Variants in NOL11 observed in about 807,000 individuals in gnomAD.
NOL11 encodes the protein nucleolar protein 11.
In NOL11, 42 loss-of-function variants were observed where a neutral mutation model predicts 93.0. That is an observed-to-expected ratio of 0.45 (90% CI 0.35 to 0.58). The LOEUF (loss-of-function observed/expected upper bound fraction) is 0.58. Among genes scored for constraint, NOL11 ranks in the 20% least tolerant of loss-of-function variants. The probability of loss-of-function intolerance (pLI) is 0.00; values close to 1 mark genes in which losing one functional copy is unlikely to be tolerated. For synonymous variants in NOL11, 296 were observed against 293.7 expected, an observed-to-expected ratio of 1.01 and a Z score of -0.08; for missense variants, 775 against 841.8, an observed-to-expected ratio of 0.92 and a Z score of 0.98.
chr17:67,743,716 A>G (rs757229029), intron 17 of NOL11, 27 bp from the exon 18 acceptor site: 2 of 1,345,556 alleles, frequency 1.5e-6, no homozygotes, highest in Non-Finnish European at 2.0e-6. Flanking sequence ...ATTATGGTAA[A>G]AGTTACTCTG....
At chr17:67,722,864 AT>A (rs1204142561) in intron 5 of NOL11, among the ~76,000 whole-genome samples, 1 of 151,594 alleles carries the variant, frequency 6.6e-6, no homozygotes, top group Non-Finnish European at 1.5e-5. Flanking sequence ...CTTATGTTTT[AT>A]TTTTTGTAGA....
intron 7 of NOL11, among the ~76,000 whole-genome samples, chr17:67,727,257 T>C (rs2055104673): frequency 6.6e-6 from 1 of 152,172 alleles, no homozygotes; most frequent in Non-Finnish European, 1.5e-5. Context: ...TTTCCAACCT[T>C]TTCTCCCAAA....
At position 67,721,448 on chromosome 17, in the gene NOL11, C is replaced by G. The variant is rs1404404798; in HGVS notation, c.383C>G (p.Ala128Gly). Residue 128 changes from alanine to glycine, a missense_variant, in exon 4 of 18, where the codon GCT (alanine) becomes GGT (glycine). This residue lies in a region of NOL11 where 359 missense variants were observed against 316.5 expected (regional missense o/e 1.13). Coordinates refer to ENST00000253247, the MANE Select transcript of NOL11 (RefSeq NM_015462.5). ...CCCTTGGTGCTCTTCAAGGAAGGTG[C>G]TGTTCGTGGTTTAGAGGCCTTGCTT... is the stretch of plus-strand genomic sequence containing the variant. ...TEPLVLFKEG[A>G]VRGLEALLAD... 1 of 1,613,438 alleles carries G rather than the reference C, an allele frequency of 6.2e-7. No individual in the cohort carries two copies. The highest frequency in any genetic ancestry group is 1.7e-5 in the Admixed American group (1 of 59,980).
At position 67,738,990 on chromosome 17, in the gene NOL11, A is replaced by G. The variant is rs1364232028; in HGVS notation, c.1822A>G (p.Ile608Val). ...ATTTCTTCTGCCTCATTTGAAAGAC[A>G]TCCCAGCACAGCATATCACGGTAAG... ...ETFLLPHLKDIPAQHITLFLK... is the reference protein window; with the variant it reads ...ETFLLPHLKDVPAQHITLFLK... The change falls in exon 15 of 18, where the codon ATC (isoleucine) becomes GTC (valine). Residue 608 changes from isoleucine to valine, a missense_variant. By Grantham distance (29) the Ile-to-Val change is conservative (BLOSUM62 3). Around this residue, in one of 2 missense-constraint regions of NOL11, gnomAD observed 416 missense variants for 525.2 expected, o/e 0.79. Transcript: ENST00000253247. 2 of 1,611,322 alleles carry G rather than the reference A, an allele frequency of 1.2e-6. No homozygotes were observed. Among genetic ancestry groups the G allele is most frequent in the African/African-American group, 1.3e-5 (1 of 75,004 alleles).
intron 7 of NOL11, among the ~76,000 whole-genome samples, chr17:67,730,685 A>AG (rs2055146438): frequency 6.6e-6 from 1 of 152,234 alleles, no homozygotes; most frequent in Non-Finnish European, 1.5e-5. Flanking sequence ...TATGTATTTA[A>AG]GGGGCACATG....
rs138983162 is a variant in NOL11, at chr17:67,736,750, G to A, written c.1139G>A (p.Arg380Lys). Residue 380 changes from arginine to lysine, a missense_variant, in exon 10 of 18, where the codon AGA (arginine) becomes AAA (lysine). Physicochemically the swap from Arg to Lys is conservative, Grantham distance 26. Around this residue, in one of 2 missense-constraint regions of NOL11, gnomAD observed 416 missense variants for 525.2 expected, o/e 0.79. Transcript: ENST00000253247. The stretch of plus-strand genomic sequence containing the variant: ...TTCCAGAACTCAGAGCAGTCAAGAA[G>A]AATTGTAAGTTTCGTAGTTGAAATT... ...LGFQNSEQSR[R>K]ILRRRKIEVS... The A allele has an allele frequency of 3.1e-6, 5 of 1,606,760 alleles. No homozygotes were observed. Among genetic ancestry groups the A allele is most frequent in the Non-Finnish European group, 4.3e-6 (5 of 1,175,122 alleles).
At chr17:67,733,618 G>C (rs774191765) in intron 7 of NOL11, among the ~76,000 whole-genome samples, 41 of 152,058 alleles carry the variant, frequency 2.7e-4, no homozygotes, top group Admixed American at 6.6e-4. Context: ...TGGTAATTGT[G>C]GGTTTTTCAT....
In NOL11 at chr17:67,739,560, A is replaced by T. The variant is rs1410968138; in HGVS notation, c.1887A>T (p.Glu629Asp). Residue 629 changes from glutamate to aspartate, a missense_variant, in exon 16 of 18, where the codon GAA becomes GAT. Glu to Asp is a conservative substitution (Grantham distance 45). This residue lies in a region of NOL11 where 416 missense variants were observed against 525.2 expected (regional missense o/e 0.79). Transcript: ENST00000253247. ...ATTTCCTGTACCTGAAGTGTAGCGA[A>T]AATGCTACTATGACTCTTCCTGGAA... Reference protein sequence around the residue: ...YLYFLYLKCSENATMTLPGIH... With the variant: ...YLYFLYLKCSDNATMTLPGIH... 6.2e-7 allele frequency: 1 copy of T among 1,601,482 alleles called. No homozygotes were observed. Among genetic ancestry groups the T allele is most frequent in the African/African-American group, 1.3e-5 (1 of 74,186 alleles).
Position 67,730,311 on chromosome 17 carries a change from A to AG in NOL11, c.853+3664dup, listed in dbSNP as rs1263207075. Among the ~76,000 whole-genome samples the AG allele has an allele frequency of 2.2e-4, 33 of 152,208 alleles. 1 individual carries two copies. Among genetic ancestry groups the AG allele is most frequent in the African/African-American group, 7.0e-4 (29 of 41,542 alleles). ...TCTCGCTCTGTCGCCCAGAGGCTAG[A>AG]GTGCAGTGGTGCAATCTGGGCTCAC... On this transcript the variant is annotated intron_variant, in intron 7 of 17. Transcript: ENST00000253247.
intron 5 of NOL11, 46 bp downstream of exon 5, chr17:67,722,683 A>T (rs377735298): frequency 1.5e-4 from 5 of 34,460 alleles, no homozygotes; most frequent in Non-Finnish European, 2.7e-4. Context: ...AAATTTCTTT[A>T]AAAAAAAAAA....
At chr17:67,737,175 T>A in intron 11 of NOL11, 30 bp downstream of exon 11, 1 of 1,376,818 alleles carries the variant, frequency 7.3e-7, no homozygotes, top group African/African-American at 1.4e-5. Context: ...ATATGAAAAA[T>A]CAAACTCAAG....
At chr17:67,736,172 ACGGTGTCTCACC>A in intron 9 of NOL11, 149 bp downstream of exon 9, 1 of 707,394 alleles carries the variant, frequency 1.4e-6, no homozygotes, top group Non-Finnish European at 2.2e-6. Flanking sequence ...CAGGCCAGGC[ACGGTGTCTCACC>A]CCTGTAATCC....
chr17:67,720,106 A>G (rs2043206572), intron 3 of NOL11, 144 bp downstream of exon 3: 1 of 694,144 alleles, frequency 1.4e-6, no homozygotes, highest in Non-Finnish European at 2.2e-6. Flanking sequence ...ATTATCTTAC[A>G]ATGTATCTTG....
chr17:67,723,673 C>T (rs2055057582), intron 5 of NOL11, among the ~76,000 whole-genome samples: 1 of 151,808 alleles, frequency 6.6e-6, no homozygotes, highest in South Asian at 2.1e-4. Flanking sequence ...AGGTGTGAAC[C>T]ACCAAGCCCA....
intron 5 of NOL11, among the ~76,000 whole-genome samples, chr17:67,723,390 T>C (rs1214328534): frequency 8.9e-6 from 1 of 112,696 alleles, no homozygotes; most frequent in Non-Finnish European, 1.8e-5. Context: ...TTTTTTTTTT[T>C]TTTTTTTTTT....
intron 16 of NOL11, chr17:67,740,786 A>G (rs2055249001): frequency 1.9e-5 from 3 of 154,628 alleles, no homozygotes; most frequent in Non-Finnish European, 4.4e-5. Context: ...CTCAAGATCA[A>G]CCATCCCACA....
Position 67,737,496 on chromosome 17 carries a change from C to T in NOL11, c.1219-12C>T. The stretch of plus-strand genomic sequence containing the variant: ...ATGTGCCAAACTGAATTCTTTAATT[C>T]TGCGCTTTCAGAAAGATTCAGAAAA... On this transcript the variant is annotated splice_polypyrimidine_tract_variant and intron_variant, in intron 11 of 17. Transcript: ENST00000253247. 6.3e-7 allele frequency: 1 copy of T among 1,591,038 alleles called. No homozygotes were observed. Among genetic ancestry groups the T allele is most frequent in the Non-Finnish European group, 8.5e-7 (1 of 1,171,052 alleles).
chr17:67,718,597 G>C (rs2043193828), intron 1 of NOL11, among the ~76,000 whole-genome samples: 1 of 152,146 alleles, frequency 6.6e-6, no homozygotes, highest in African/African-American at 2.4e-5. Flanking sequence ...TGAGTTGTCT[G>C]TTGGCATCTC....
At chr17:67,722,760 C>A in intron 5 of NOL11, 123 bp downstream of exon 5, 1 of 1,289,830 alleles carries the variant, frequency 7.8e-7, no homozygotes, top group Non-Finnish European at 1.0e-6. Context: ...CGATGGTTCA[C>A]TGCAGCCTCA....
Sources: gnomAD v4.1 joint callset for allele counts (sites outside exome capture counted in the v4.1 genomes callset) on GRCh38, gnomAD v4.1.1 for gene constraint, gnomAD v4.1.1 regional missense constraint, MANE v1.5 for transcripts, NCBI Gene and HGNC (gene_info 2026-07-23, HGNC 2026-07-21) for gene names.